The following DYRK1A variants were observed in gnomAD, a reference collection of about 807,000 sequenced individuals.
The protein encoded by DYRK1A is dual specificity tyrosine-phosphorylation-regulated kinase 1A.
A neutral mutation model predicts 79.7 loss-of-function variants in DYRK1A; 9 were observed. The ratio of observed to expected loss-of-function variants is 0.11; its 90% CI spans 0.07 to 0.20. The LOEUF (loss-of-function observed/expected upper bound fraction) is 0.20, where lower values mean the gene tolerates loss of function less well. Ranked by LOEUF, DYRK1A falls within the 10% of genes least tolerant of loss-of-function variation. The pLI, the probability that DYRK1A is intolerant of heterozygous loss-of-function variation, is 1.00. For synonymous variants in DYRK1A, 349 were observed against 329.7 expected (o/e 1.06, Z -0.63); for missense variants, 622 against 956.0 (o/e 0.65, Z 4.61).
In DYRK1A at chr21:37,521,197, TA is replaced by T. The variant is rs1230734412; in HGVS notation, c.*8667del. On this transcript the variant is annotated 3_prime_UTR_variant, in exon 12 of 12. Transcript: ENST00000647188. ...GTATTAGAGTTCTGACCATCTTCAC[TA>T]GAAGTGGGGGCGGCTAGCAGTGACT... The T allele has an allele frequency of 2.0e-5, 3 of 152,200 alleles. No homozygotes were observed. Among genetic ancestry groups the T allele is most frequent in the African/African-American group, 7.2e-5 (3 of 41,458 alleles). 9.4% of individuals were successfully genotyped at this position (152,200 alleles called of 1,614,324 possible).
chr21:37,454,636 T>TG (rs1179434965), intron 2 of DYRK1A, among the ~76,000 whole-genome samples: 13 of 152,306 alleles, frequency 8.5e-5, no homozygotes, highest in Non-Finnish European at 2.9e-5. Flanking sequence ...ATGTACCTAT[T>TG]GGGTTAATGG....
At chr21:37,496,310 CCTGT>C (rs1280196688) in intron 9 of DYRK1A, 52 bp downstream of exon 9, 5 of 1,547,752 alleles carry the variant, frequency 3.2e-6, no homozygotes, top group African/African-American at 2.8e-5. Flanking sequence ...CTTTATCATA[CCTGT>C]CTTTTTATAG....
At chr21:37,429,183 T>C (rs1350263454) in intron 2 of DYRK1A, among the ~76,000 whole-genome samples, 1 of 152,196 alleles carries the variant, frequency 6.6e-6, no homozygotes, top group African/African-American at 2.4e-5. Flanking sequence ...AATATTTATG[T>C]TGTTAACGCA....
At chr21:37,491,396 C>G (rs2053088519) in intron 7 of DYRK1A, among the ~76,000 whole-genome samples, 1 of 152,102 alleles carries the variant, frequency 6.6e-6, no homozygotes, top group South Asian at 2.1e-4. Context: ...TATATTTCTT[C>G]TGTTTTAAAG....
intron 2 of DYRK1A, among the ~76,000 whole-genome samples, chr21:37,427,280 T>C (rs2050653000): frequency 6.6e-6 from 1 of 152,174 alleles, no homozygotes. Context: ...CCTGGCTAAC[T>C]TCTTTATTTT....
intron 2 of DYRK1A, among the ~76,000 whole-genome samples, chr21:37,455,742 C>T (rs1377369455): frequency 6.6e-6 from 1 of 152,138 alleles, no homozygotes; most frequent in East Asian, 1.9e-4. Flanking sequence ...TCCAGTCCAC[C>T]TTACACATTC....
At chr21:37,398,144 A>T (rs192246294) in intron 1 of DYRK1A, among the ~76,000 whole-genome samples, 2,195 of 148,150 alleles carry the variant, frequency 0.015, 19 homozygotes, top group Non-Finnish European at 0.019. Flanking sequence ...ATATATATAT[A>T]TTTTTTTACC....
At chr21:37,472,366 T>C (rs1049167298) in intron 2 of DYRK1A, among the ~76,000 whole-genome samples, 1 of 152,220 alleles carries the variant, frequency 6.6e-6, no homozygotes, top group African/African-American at 2.4e-5. Flanking sequence ...AGATTACTTA[T>C]TTAACTTGTA....
At chr21:37,456,599 A>G (rs1043352424) in intron 2 of DYRK1A, among the ~76,000 whole-genome samples, 3 of 152,044 alleles carry the variant, frequency 2.0e-5, no homozygotes, top group South Asian at 2.1e-4. Flanking sequence ...GTGTTCAACA[A>G]TCTTGTCTTT....
Position 37,523,923 on chromosome 21 carries a change from C to T in DYRK1A, c.*11392C>T, listed in dbSNP as rs893062663. ...TGGCATTCTCATCATTTTGCCCTGC[C>T]GCTCTGTGCAATGTAAATTGCAGTG... is the stretch of plus-strand genomic sequence containing the variant. On this transcript the variant is annotated 3_prime_UTR_variant, in exon 12 of 12. Transcript: ENST00000647188. 4 of 152,160 alleles carry T rather than the reference C, an allele frequency of 2.6e-5. No individual in the cohort carries two copies. The highest frequency in any genetic ancestry group is 4.8e-5 in the African/African-American group (2 of 41,438). 9.4% of individuals were successfully genotyped at this position (152,160 alleles called of 1,614,324 possible).
intron 2 of DYRK1A, among the ~76,000 whole-genome samples, chr21:37,437,258 A>G (rs901175761): frequency 3.3e-5 from 5 of 152,226 alleles, no homozygotes; most frequent in Admixed American, 2.6e-4. Context: ...CATGCCCTCC[A>G]TGAATGTTTG....
At chr21:37,436,641 T>A (rs1205615835) in intron 2 of DYRK1A, among the ~76,000 whole-genome samples, 1 of 152,242 alleles carries the variant, frequency 6.6e-6, no homozygotes, top group Non-Finnish European at 1.5e-5. Context: ...ATCCCTTTAA[T>A]TGTTCTGGCC....
At chr21:37,507,007 T>C (rs999551699) in intron 11 of DYRK1A, among the ~76,000 whole-genome samples, 1 of 152,232 alleles carries the variant, frequency 6.6e-6, no homozygotes, top group African/African-American at 2.4e-5. Flanking sequence ...TTTTCCAAGT[T>C]GTCCCATCCT....
rs370313379 is a variant in DYRK1A at position 37,479,594 on chromosome 21, G to T, written c.301-1044G>T. Among the ~76,000 whole-genome samples the T allele has an allele frequency of 5.7e-3, 139 of 24,208 alleles. 2 individuals carry two copies. The highest frequency in any genetic ancestry group is 0.028 in the African/African-American group (122 of 4,306). The allele number at this position is 24,208 out of a possible 152,430, so 15.9% of individuals were successfully genotyped here. Reference sequence around the variant, plus strand: ...GTCTTAGAAACAGTGTTGGTGTTTTGTTTTTGTTTTTGTTTTTGTTTTTTG... The same window carrying T: ...GTCTTAGAAACAGTGTTGGTGTTTTTTTTTTGTTTTTGTTTTTGTTTTTTG... On this transcript the variant is annotated intron_variant, in intron 4 of 11. Transcript: ENST00000647188.
intron 7 of DYRK1A, among the ~76,000 whole-genome samples, 177 bp downstream of exon 7, chr21:37,490,638 A>C (rs1040407292): frequency 6.7e-6 from 1 of 149,044 alleles, no homozygotes; most frequent in African/African-American, 2.4e-5. Context: ...TTGAAATGTT[A>C]ATAAGGTGTA....
chr21:37,371,927 A>G (rs759797575), intron 1 of DYRK1A, among the ~76,000 whole-genome samples: 20 of 152,030 alleles, frequency 1.3e-4, no homozygotes, highest in Non-Finnish European at 1.9e-4. Context: ...ACAAGATTTG[A>G]TTTTTTAATT....
At chr21:37,457,025 C>T (rs796459757) in intron 2 of DYRK1A, among the ~76,000 whole-genome samples, 47 of 77,024 alleles carry the variant, frequency 6.1e-4, no homozygotes, top group African/African-American at 2.0e-3. Flanking sequence ...TACTTACTTA[C>T]TTACTTACTT....
At chr21:37,480,952 C>G (rs1489221045) in intron 5 of DYRK1A, 126 bp downstream of exon 5, 2 of 692,290 alleles carry the variant, frequency 2.9e-6, no homozygotes, top group African/African-American at 3.7e-5. Flanking sequence ...AATGGATATG[C>G]AAGTATTTGG....
chr21:37,409,733 A>G (rs1462327361), intron 1 of DYRK1A, among the ~76,000 whole-genome samples: 1 of 152,156 alleles, frequency 6.6e-6, no homozygotes, highest in African/African-American at 2.4e-5. Context: ...TTCATTATGA[A>G]TAATCTTAAA....
Sources: allele counts gnomAD v4.1 joint callset (sites outside exome capture counted in the v4.1 genomes callset), GRCh38; gene constraint gnomAD v4.1.1; transcripts MANE v1.5; gene names NCBI Gene and HGNC (gene_info 2026-07-23, HGNC 2026-07-21).